The following RGPD3 variants were observed in gnomAD, a reference collection of about 807,000 sequenced individuals.
RGPD3 encodes RANBP2 like and GRIP domain containing 3, also known as ranBP2-like and GRIP domain-containing protein 3.
Under a neutral mutation model 154.5 loss-of-function variants are expected in RGPD3, and 62 were observed. The observed-to-expected ratio is 0.40, with a 90% CI of 0.33 to 0.50. RGPD3 has a LOEUF of 0.50. RGPD3 is among the 20% of genes least tolerant of loss of function. The pLI, the probability that RGPD3 is intolerant of heterozygous loss-of-function variation, is 0.59. For missense variants in RGPD3, 919 were observed against 1,716.8 expected (o/e 0.54, Z 8.21); for synonymous variants, 308 against 607.0 (o/e 0.51, Z 7.24).
chr2:106,438,815 A>AC (rs970761367), intron 9 of RGPD3, among the ~76,000 whole-genome samples, 153 bp downstream of exon 9: 1 of 119,890 alleles, frequency 8.3e-6, no homozygotes, highest in Non-Finnish European at 1.7e-5. Context: ...AATACATGCC[A>AC]CCCCCACAGC....
rs1573232282 is a variant in RGPD3 at position 106,404,328 on chromosome 2, T to C, written c.*891A>G. ...CATGAAATCACCTCAACTCAAGTGG[T>C]GGGCCCACCTATTCATAGTCAGTGT... On this transcript the variant is annotated 3_prime_UTR_variant, in exon 23 of 23. Transcript: ENST00000409886. Among the ~76,000 whole-genome samples the C allele has an allele frequency of 2.0e-5, 3 of 149,058 alleles. No individual in the cohort carries two copies. Among genetic ancestry groups the C allele is most frequent in the Admixed American group, 2.0e-4 (3 of 15,038 alleles).
intron 1 of RGPD3, among the ~76,000 whole-genome samples, chr2:106,466,812 C>G (rs1227371845): frequency 5.7e-5 from 4 of 69,650 alleles, no homozygotes; most frequent in African/African-American, 1.0e-4. Context: ...GTCGAGGCCG[C>G]CGCCTCAACA....
At chr2:106,467,844 C>G (rs1359365847) in intron 1 of RGPD3, among the ~76,000 whole-genome samples, 120 of 126,074 alleles carry the variant, frequency 9.5e-4, no homozygotes, top group Middle Eastern at 4.9e-3. Context: ...GAGCAGCGCC[C>G]GTCGGGAGCC....
upstream of RGPD3, among the ~76,000 whole-genome samples, chr2:106,470,396 C>T (rs1462004986): frequency 6.6e-6 from 1 of 152,236 alleles, no homozygotes; most frequent in Non-Finnish European, 1.5e-5. Context: ...AAGGTCCAAA[C>T]GAAGACTGAC....
chr2:106,446,314 T>G (rs372597702), intron 7 of RGPD3, among the ~76,000 whole-genome samples: 33 of 137,544 alleles, frequency 2.4e-4, no homozygotes, highest in African/African-American at 7.9e-4. Flanking sequence ...CGCCTGTAAA[T>G]CCCAGCACTC....
At chr2:106,464,949 T>C (rs1178746257) in intron 1 of RGPD3, among the ~76,000 whole-genome samples, 1 of 145,760 alleles carries the variant, frequency 6.9e-6, no homozygotes, top group Non-Finnish European at 1.5e-5. Context: ...TCTCTCGGCC[T>C]CCCAGAGTGC....
In RGPD3 at chr2:106,435,175, G is replaced by T. The variant is rs1191291639; in HGVS notation, c.1786C>A (p.Gln596Lys). Residue 596 changes from glutamine to lysine, a missense_variant, in exon 13 of 23, where the codon CAA (glutamine) becomes AAA (lysine). Transcript: ENST00000409886. ...MGSGLNSFYD[Q>K]REYIGRSVHY... The stretch of plus-strand genomic sequence containing the variant: ...ACACTTCTCCCTATGTATTCTCGTT[G>T]ATCATAAAAAGAATTAAGACCGCTG... 6.2e-7 allele frequency: 1 copy of T among 1,604,450 alleles called. No homozygotes were observed. Among genetic ancestry groups the T allele is most frequent in the East Asian group, 2.2e-5 (1 of 44,780 alleles).
chr2:106,451,541 C>CA (rs1382108684), intron 6 of RGPD3, among the ~76,000 whole-genome samples: 1 of 151,320 alleles, frequency 6.6e-6, no homozygotes, highest in Admixed American at 6.6e-5. Flanking sequence ...ACAGACAATA[C>CA]ATAAACAGAG....
chr2:106,448,989 C>T (rs917428947), intron 6 of RGPD3, among the ~76,000 whole-genome samples: 1 of 151,238 alleles, frequency 6.6e-6, no homozygotes, highest in African/African-American at 2.4e-5. Flanking sequence ...CCGCGCCCCG[C>T]TGAGCTGAGT....
intron 1 of RGPD3, among the ~76,000 whole-genome samples, chr2:106,467,468 G>A (rs1678658650): frequency 6.9e-5 from 3 of 43,438 alleles, no homozygotes; most frequent in Admixed American, 1.8e-4. Context: ...AACAGAGCGC[G>A]CCAGGGAGCA....
intron 22 of RGPD3, among the ~76,000 whole-genome samples, chr2:106,410,271 A>G (rs1676631774): frequency 6.6e-6 from 1 of 152,170 alleles, no homozygotes; most frequent in South Asian, 2.1e-4. Context: ...TTATGTACTC[A>G]CATTGATAAG....
intron 1 of RGPD3, among the ~76,000 whole-genome samples, chr2:106,467,827 C>A (rs1242807676): frequency 7.3e-6 from 1 of 137,364 alleles, no homozygotes; most frequent in East Asian, 2.1e-4. Context: ...CAACAGAGCG[C>A]GCCAGGGAGC....
At chr2:106,445,981 C>T (rs1310601002) in intron 7 of RGPD3, among the ~76,000 whole-genome samples, 4 of 44,896 alleles carry the variant, frequency 8.9e-5, no homozygotes, top group African/African-American at 3.4e-4. Context: ...CCCAGCTACT[C>T]GGGAGGCTGA....
intron 1 of RGPD3, 102 bp downstream of exon 1, chr2:106,468,115 G>C (rs938519298): frequency 9.7e-6 from 14 of 1,439,338 alleles, no homozygotes; most frequent in African/African-American, 5.9e-5. Context: ...AGCAGCGCTC[G>C]TCGGGAGCCA....
chr2:106,443,808 G>C (rs1677834114), intron 7 of RGPD3, among the ~76,000 whole-genome samples: 1 of 114,038 alleles, frequency 8.8e-6, no homozygotes, highest in Non-Finnish European at 1.8e-5. Context: ...CAATTCTCCT[G>C]TCTCGGCCTC....
chr2:106,440,426 A>T (rs1169397339), intron 8 of RGPD3, among the ~76,000 whole-genome samples: 1 of 151,846 alleles, frequency 6.6e-6, no homozygotes, highest in Non-Finnish European at 1.5e-5. Flanking sequence ...TATAAAAAAA[A>T]ATACAGGCAA....
At chr2:106,446,047 C>T (rs1278358709) in intron 7 of RGPD3, among the ~76,000 whole-genome samples, 1 of 59,566 alleles carries the variant, frequency 1.7e-5, no homozygotes, top group Non-Finnish European at 3.2e-5. Context: ...CAGATGGCGC[C>T]ATTGCACTCC....
chr2:106,446,167 A>C (rs1307827112), intron 7 of RGPD3, among the ~76,000 whole-genome samples: 1 of 127,128 alleles, frequency 7.9e-6, no homozygotes, highest in African/African-American at 2.9e-5. Context: ...CTAAGCAAAA[A>C]ATCCTTCTCT....
chr2:106,423,888 T>G lies in RGPD3; in HGVS notation c.4079A>C (p.His1360Pro), dbSNP rs778503563. The change falls in exon 20 of 23, where the codon CAC becomes CCC. Residue 1360 changes from histidine (H) to proline (P), a missense_variant. By Grantham distance (77) the His-to-Pro change is moderately conservative. Transcript: ENST00000409886. ...GEENEQVVFS[H>P]RAEFYRYDKD... ...ATCATATCTGTAGAATTCTGCCCTG[T>G]GACTAAAAACAACTTGTTCATTTTC... 3 of 1,611,836 alleles carry G rather than the reference T, an allele frequency of 1.9e-6. No homozygotes were observed. Among genetic ancestry groups the G allele is most frequent in the East Asian group, 2.2e-5 (1 of 44,890 alleles).
Sources: gnomAD v4.1 joint callset for allele counts (sites outside exome capture counted in the v4.1 genomes callset) on GRCh38, gnomAD v4.1.1 for gene constraint, MANE v1.5 for transcripts, NCBI Gene and HGNC (gene_info 2026-07-23, HGNC 2026-07-21) for gene names.